The following SUCO variants were observed in gnomAD, a reference collection of about 807,000 sequenced individuals.
SUCO encodes the protein SUN domain-containing ossification factor.
SUCO carries 57 observed loss-of-function variants against 148.1 expected under a neutral mutation model. The ratio of observed to expected loss-of-function variants is 0.38; its 90% CI spans 0.31 to 0.48. SUCO has a LOEUF of 0.48. SUCO is among the 20% of genes least tolerant of loss of function. The pLI, the probability that SUCO is intolerant of heterozygous loss-of-function variation, is 0.96. For synonymous variants in SUCO, 470 were observed against 502.7 expected (o/e 0.93, Z 0.87); for missense variants, 1,331 against 1,468.2 (o/e 0.91, Z 1.53).
intron 4 of SUCO, chr1:172,556,639 A>G: frequency 1.0e-6 from 1 of 985,008 alleles, no homozygotes. Flanking sequence ...TAACTCAAGA[A>G]TGTAAGGGCC....
At chr1:172,601,058 G>A (rs894247474) in intron 20 of SUCO, among the ~76,000 whole-genome samples, 5 of 152,162 alleles carry the variant, frequency 3.3e-5, no homozygotes, top group African/African-American at 4.8e-5. Context: ...TTGAATCTTT[G>A]TATCATTAGA....
chr1:172,585,316 C>G (rs1656162622), intron 16 of SUCO: 1 of 210,568 alleles, frequency 4.7e-6, no homozygotes, highest in Non-Finnish European at 8.2e-6. Flanking sequence ...CTTTTGACTT[C>G]TCCTAGCTCT....
At chr1:172,576,032 T>C (rs942926748) in intron 11 of SUCO, among the ~76,000 whole-genome samples, 1 of 151,918 alleles carries the variant, frequency 6.6e-6, no homozygotes, top group African/African-American at 2.4e-5. Context: ...GTCCACTTAT[T>C]TGGCATTGTT....
intron 2 of SUCO, 140 bp downstream of exon 2, chr1:172,551,766 G>T: frequency 1.7e-6 from 1 of 572,752 alleles, no homozygotes; most frequent in Non-Finnish European, 3.1e-6. Context: ...CTATTACTCA[G>T]GTAATTCTTA....
At position 172,577,762 on chromosome 1, in the gene SUCO, A is replaced by G; in HGVS notation, c.1285-2A>G. ...CCCATTTTATGTGCTTTTATTCTTT[A>G]GGTTGAGTTGCTATCACATTTTGGA... On this transcript the variant is annotated splice_acceptor_variant, in intron 12 of 23. Transcript: ENST00000263688. LOFTEE classifies it high-confidence loss of function. The G allele has an allele frequency of 6.2e-7, 1 of 1,611,490 alleles. No homozygotes were observed. The highest frequency in any genetic ancestry group is 1.1e-5 in the South Asian group (1 of 90,840).
Position 172,602,980 on chromosome 1 carries a change from G to A in SUCO, c.3265+193G>A, listed in dbSNP as rs1571295591. The A allele has an allele frequency of 4.5e-5, 23 of 505,518 alleles. No individual in the cohort carries two copies. In the East Asian group the frequency reaches 7.5e-4, roughly 16 times the overall value. 31.3% of individuals were successfully genotyped at this position (505,518 alleles called of 1,614,324 possible). ...TGTCTTTGTTCCTAAAAGCCCAGAG[G>A]GTAGGGAGGGGGGCTTAGTTTAATT... On this transcript the variant is annotated intron_variant, in intron 22 of 23. Coordinates refer to ENST00000263688, the MANE Select transcript of SUCO (RefSeq NM_014283.5).
chr1:172,532,597 C>T, upstream of SUCO: 1 of 1,614,014 alleles, frequency 6.2e-7, no homozygotes, highest in Non-Finnish European at 8.5e-7. Flanking sequence ...CATTCTAGGC[C>T]ATTCCACGAA....
At chr1:172,537,694 C>T (rs971044327) in intron 1 of SUCO, among the ~76,000 whole-genome samples, 2 of 152,178 alleles carry the variant, frequency 1.3e-5, no homozygotes, top group Non-Finnish European at 2.9e-5. Context: ...CAAATCTATT[C>T]TTCCTTCACC....
chr1:172,608,405 A>G lies in SUCO; in HGVS notation c.3266-342A>G, dbSNP rs58816247. 2.7e-3 allele frequency: 757 copies of G among 281,330 alleles called. 3 individuals are homozygous for G. Among genetic ancestry groups the G allele is most frequent in the African/African-American group, 0.017 (724 of 43,518 alleles). 17.4% of individuals were successfully genotyped at this position (281,330 alleles called of 1,614,324 possible). A position where few individuals can be genotyped will look rare whatever the true frequency, so the allele number is the denominator to read the frequency against. On this transcript the variant is annotated intron_variant, in intron 22 of 23. Transcript: ENST00000263688. ...CTGTAGGTTTGGTGTGAGCTTACCC[A>G]GGAATGTTTCTTTTCTTATCAGGTA...
chr1:172,570,920 G>C, intron 9 of SUCO, 190 bp downstream of exon 9: 1 of 477,906 alleles, frequency 2.1e-6, no homozygotes. Context: ...AGCAAAAAAT[G>C]GCAGATCTGG....
chr1:172,584,033 C>T (rs1656065349), intron 15 of SUCO, among the ~76,000 whole-genome samples: 1 of 152,180 alleles, frequency 6.6e-6, no homozygotes, highest in African/African-American at 2.4e-5. Flanking sequence ...TTTCATTAAT[C>T]TGCCCCATAC....
intron 19 of SUCO, 115 bp from the exon 20 acceptor site, chr1:172,599,949 T>C (rs1657388734): frequency 1.4e-6 from 1 of 690,950 alleles, no homozygotes; most frequent in South Asian, 2.3e-5. Flanking sequence ...GAGATTCCTA[T>C]TAATACATTT....
chr1:172,610,269 A>G lies in SUCO; in HGVS notation c.*10A>G. ...CTCGGGACATATCTAAAATTAATTGAACTTTTCATACAGAAGACTTTTTTG... is the reference window on the plus strand; with the variant it reads ...CTCGGGACATATCTAAAATTAATTGGACTTTTCATACAGAAGACTTTTTTG... On this transcript the variant is annotated 3_prime_UTR_variant, in exon 24 of 24. Transcript: ENST00000263688. 1 of 1,563,862 alleles carries G rather than the reference A, an allele frequency of 6.4e-7. No individual in the cohort carries two copies. Among genetic ancestry groups the G allele is most frequent in the Non-Finnish European group, 8.6e-7 (1 of 1,159,780 alleles).
chr1:172,553,007 G>A (rs1653417765), intron 2 of SUCO, among the ~76,000 whole-genome samples: 1 of 151,988 alleles, frequency 6.6e-6, no homozygotes, highest in African/African-American at 2.4e-5. Context: ...GGTGCTGGAT[G>A]GTAAGACTAA....
At chr1:172,577,100 GTA>G in intron 11 of SUCO, 3 of 558,232 alleles carry the variant, frequency 5.4e-6, no homozygotes, top group Non-Finnish European at 6.8e-6. Context: ...TTACCAATAT[GTA>G]TATGTGTAGA....
chr1:172,541,672 G>C lies in SUCO; in HGVS notation c.62+8175G>C, dbSNP rs142400958. ...ATTCTAAATAACTGGATTTTAGTTT[G>C]CCTCTAACCAAACTCTGTTCAACAT... On this transcript the variant is annotated intron_variant, in intron 1 of 23. Coordinates refer to ENST00000263688, the MANE Select transcript of SUCO (RefSeq NM_014283.5). Among the ~76,000 whole-genome samples the C allele has an allele frequency of 6.3e-4, 96 of 152,296 alleles. 1 individual carries two copies. In the East Asian group the frequency reaches 0.018, roughly 28 times the overall value.
intron 9 of SUCO, among the ~76,000 whole-genome samples, chr1:172,572,732 AG>A (rs1365592074): frequency 1.6e-4 from 21 of 133,184 alleles, no homozygotes; most frequent in African/African-American, 5.9e-4. Flanking sequence ...AAAAAGAATA[AG>A]GGGGCAGTGC....
intron 15 of SUCO, among the ~76,000 whole-genome samples, chr1:172,579,945 T>TA (rs1392135476): frequency 6.6e-6 from 1 of 152,182 alleles, no homozygotes; most frequent in Non-Finnish European, 1.5e-5. Flanking sequence ...TCAAATTTAA[T>TA]AAAAACAAAT....
At chr1:172,591,818 T>C (rs1271472348) in intron 19 of SUCO, among the ~76,000 whole-genome samples, 1 of 152,176 alleles carries the variant, frequency 6.6e-6, no homozygotes, top group African/African-American at 2.4e-5. Context: ...CTGGGTCAAA[T>C]GGTATTTCTA....
Sources: gnomAD v4.1 joint callset for allele counts (sites outside exome capture counted in the v4.1 genomes callset) on GRCh38, gnomAD v4.1.1 for gene constraint, MANE v1.5 for transcripts, NCBI Gene and HGNC (gene_info 2026-07-23, HGNC 2026-07-21) for gene names.